Variants in SOAT1 observed in about 807,000 individuals in gnomAD.
The protein encoded by SOAT1 is sterol O-acyltransferase 1.
Under a neutral mutation model 69.5 loss-of-function variants are expected in SOAT1, and 55 were observed. The ratio of observed to expected loss-of-function variants is 0.79; its 90% confidence interval spans 0.64 to 0.99. The LOEUF is 0.99. Ranked by LOEUF, SOAT1 falls within the 50% of genes least tolerant of loss-of-function variation. SOAT1 has a pLI of 0.00. For missense variants in SOAT1, 580 were observed against 669.3 expected, an observed-to-expected ratio of 0.87 and a Z score of 1.47; for synonymous variants, 231 against 224.7, an observed-to-expected ratio of 1.03 and a Z score of -0.25.
intron 14 of SOAT1, 29 bp downstream of exon 14, chr1:179,350,460 G>T: frequency 6.3e-7 from 1 of 1,599,904 alleles, no homozygotes. Context: ...TGTGAGTACT[G>T]GGTACTATGC....
intron 10 of SOAT1, among the ~76,000 whole-genome samples, chr1:179,343,902 C>T (rs778132381): frequency 2.6e-5 from 4 of 152,132 alleles, no homozygotes; most frequent in Admixed American, 1.3e-4. Flanking sequence ...GTGGGCAGAT[C>T]GCGAGGTCAG....
intron 3 of SOAT1, among the ~76,000 whole-genome samples, chr1:179,327,358 G>C (rs1354274771): frequency 6.6e-6 from 1 of 152,020 alleles, no homozygotes; most frequent in African/African-American, 2.4e-5. Context: ...ATCTTTCCTT[G>C]ATCTTTAAAG....
intron 4 of SOAT1, among the ~76,000 whole-genome samples, chr1:179,336,700 T>C (rs142800841): frequency 9.9e-5 from 15 of 152,162 alleles, no homozygotes; most frequent in African/African-American, 3.1e-4. Context: ...GAGTCCTTGC[T>C]CTTAATCATA....
At chr1:179,323,564 T>C (rs1051726472) in intron 3 of SOAT1, 69 bp downstream of exon 3, 2 of 1,240,044 alleles carry the variant, frequency 1.6e-6, no homozygotes, top group Non-Finnish European at 2.3e-6. Flanking sequence ...GTAACATTTT[T>C]AATGCTAAAT....
At position 179,345,079 on chromosome 1, in the gene SOAT1, A is replaced by T. The variant is rs1666479539; in HGVS notation, c.1117+3A>T. On this transcript the variant is annotated splice_donor_region_variant and intron_variant, in intron 11 of 15. Transcript: ENST00000367619. ...TGTATTTAACTCCATCTTGCCAGGT[A>T]ACATGGGTACTTGTTAATTTGGTCA... is the stretch of plus-strand genomic sequence containing the variant. 3 of 1,613,726 alleles carry T rather than the reference A, an allele frequency of 1.9e-6. No homozygotes were observed. The highest frequency in any genetic ancestry group is 1.7e-4 in the Middle Eastern group (1 of 6,058).
chr1:179,298,072 A>G (rs1022283956), intron 1 of SOAT1, among the ~76,000 whole-genome samples: 4 of 151,366 alleles, frequency 2.6e-5, no homozygotes, highest in African/African-American at 9.7e-5. Context: ...AAGTTACTAG[A>G]TCATGGTAAG....
intron 3 of SOAT1, among the ~76,000 whole-genome samples, chr1:179,329,768 C>T (rs1443761424): frequency 1.3e-5 from 2 of 151,798 alleles, no homozygotes; most frequent in African/African-American, 4.8e-5. Context: ...ATTTATTGGC[C>T]GACTGCTGGA....
chr1:179,331,392 C>G (rs1399655141), intron 3 of SOAT1, among the ~76,000 whole-genome samples: 4 of 152,060 alleles, frequency 2.6e-5, no homozygotes, highest in African/African-American at 9.7e-5. Flanking sequence ...ACTGAGAACA[C>G]TATATGCAAA....
intron 3 of SOAT1, among the ~76,000 whole-genome samples, chr1:179,329,090 T>C (rs1283292736): frequency 6.6e-6 from 1 of 151,888 alleles, no homozygotes; most frequent in Non-Finnish European, 1.5e-5. Context: ...TGTTTGCTTC[T>C]TATATAGCAT....
At chr1:179,343,781 G>A in intron 10 of SOAT1, 146 bp downstream of exon 10, 1 of 611,652 alleles carries the variant, frequency 1.6e-6, no homozygotes, top group Admixed American at 3.1e-5. Flanking sequence ...TTCCAGTACG[G>A]TAAATGGTGT....
intron 2 of SOAT1, among the ~76,000 whole-genome samples, chr1:179,312,977 C>T: frequency 6.6e-6 from 1 of 152,182 alleles, no homozygotes; most frequent in Non-Finnish European, 1.5e-5. Context: ...TCTTTGCTGT[C>T]TGATACTCAG....
Position 179,335,669 on chromosome 1 carries a change from C to T in SOAT1, c.329+12C>T. On this transcript the variant is annotated intron_variant, in intron 4 of 15. Transcript: ENST00000367619. ...AACCATAGAGCGAAGTAAGTATGTG[C>T]TATTTTCTTTTAATGCAAACATCTA... 6.2e-7 allele frequency: 1 copy of T among 1,603,858 alleles called. No individual in the cohort carries two copies. The highest frequency in any genetic ancestry group is 2.2e-5 in the East Asian group (1 of 44,704).
At position 179,331,664 on chromosome 1, in the gene SOAT1, A is replaced by G. The variant is rs147065151; in HGVS notation, c.178-3842A>G. The stretch of plus-strand genomic sequence containing the variant: ...GACAGTGAGATGCCAAAGAGCATAT[A>G]CACTTGAATATATAGAATTTCAAGT... On this transcript the variant is annotated intron_variant, in intron 3 of 15. Transcript: ENST00000367619. 6.6e-5 allele frequency among the ~76,000 whole-genome samples: 10 copies of G among 152,376 alleles called. 1 individual carries two copies. In the East Asian group the frequency reaches 1.9e-3, roughly 29 times the overall value.
At chr1:179,317,153 T>A (rs1665422389) in intron 2 of SOAT1, among the ~76,000 whole-genome samples, 1 of 152,236 alleles carries the variant, frequency 6.6e-6, no homozygotes, top group Admixed American at 6.5e-5. Context: ...GTATTTTTTC[T>A]GGGAAATTAC....
chr1:179,321,682 C>T (rs1665610342), intron 2 of SOAT1, among the ~76,000 whole-genome samples: 1 of 152,190 alleles, frequency 6.6e-6, no homozygotes, highest in Non-Finnish European at 1.5e-5. Flanking sequence ...GTCACTATTT[C>T]TCTGGGCTAT....
intron 3 of SOAT1, 110 bp from the exon 4 acceptor site, chr1:179,335,396 C>T (rs1666112832): frequency 1.1e-6 from 1 of 947,612 alleles, no homozygotes; most frequent in Non-Finnish European, 1.6e-6. Flanking sequence ...TGCGAACTCA[C>T]TATGTCTTTC....
chr1:179,334,946 C>T lies in SOAT1; in HGVS notation c.178-560C>T, dbSNP rs538257225. Reference sequence around the variant, plus strand: ...AGGAGAATCACTTGAACCCAGGAGGCGGAGGTTGCGGTGAGCCGAGATCGT... The same window carrying T: ...AGGAGAATCACTTGAACCCAGGAGGTGGAGGTTGCGGTGAGCCGAGATCGT... On this transcript the variant is annotated intron_variant, in intron 3 of 15. Transcript: ENST00000367619. Among the ~76,000 whole-genome samples, 12 of 131,980 alleles carry T rather than the reference C, an allele frequency of 9.1e-5. No individual in the cohort carries two copies. In the East Asian group the frequency reaches 1.2e-3, roughly 14 times the overall value. The allele number at this position is 131,980 out of a possible 152,430, so 86.6% of individuals were successfully genotyped here.
At chr1:179,326,095 C>T (rs1031957855) in intron 3 of SOAT1, among the ~76,000 whole-genome samples, 4 of 152,102 alleles carry the variant, frequency 2.6e-5, no homozygotes, top group Admixed American at 6.6e-5. Context: ...AAACTTACAC[C>T]GTACATATTT....
intron 11 of SOAT1, among the ~76,000 whole-genome samples, chr1:179,345,910 T>C (rs368294544): frequency 8.1e-6 from 1 of 122,826 alleles, no homozygotes; most frequent in Admixed American, 8.3e-5. Flanking sequence ...TTCTTAAATA[T>C]ATTTATTGCA....
Sources: gnomAD v4.1 joint callset for allele counts (sites outside exome capture counted in the v4.1 genomes callset) on GRCh38, gnomAD v4.1.1 for gene constraint, MANE v1.5 for transcripts, NCBI Gene and HGNC (gene_info 2026-07-23, HGNC 2026-07-21) for gene names.